SPAG16: variants seen among roughly 807,000 people sequenced by gnomAD.
SPAG16 encodes sperm associated antigen 16.
In SPAG16, 86 loss-of-function variants were observed where a neutral mutation model predicts 80.4. The observed-to-expected ratio is 1.07, with a 90% CI of 0.90 to 1.28. The LOEUF is 1.28. SPAG16 is among the 50% of genes most tolerant of loss of function. The pLI, the probability that SPAG16 is intolerant of heterozygous loss-of-function variation, is 0.00. For missense variants in SPAG16, 870 were observed against 765.3 expected, an observed-to-expected ratio of 1.14 and a Z score of -1.61; for synonymous variants, 294 against 265.9, an observed-to-expected ratio of 1.11 and a Z score of -1.03.
At chr2:214,012,264 A>G (rs2047322934) in intron 12 of SPAG16, among the ~76,000 whole-genome samples, 1 of 40,836 alleles carries the variant, frequency 2.4e-5, no homozygotes, top group African/African-American at 8.2e-5. Flanking sequence ...ACTTACATAT[A>G]TATATATATA....
intron 4 of SPAG16, among the ~76,000 whole-genome samples, chr2:213,316,362 C>T (rs1024891208): frequency 2.6e-5 from 4 of 152,088 alleles, no homozygotes; most frequent in African/African-American, 9.7e-5. Context: ...ATCTCCACTG[C>T]TACCAACTTC....
In SPAG16 at chr2:213,426,463, G is replaced by GC. The variant is rs1166894823; in HGVS notation, c.942+51345dup. Among the ~76,000 whole-genome samples, 3 of 151,736 alleles carry GC rather than the reference G, an allele frequency of 2.0e-5. No homozygotes were observed. The East Asian group carries it at 5.8e-4, about 29-fold the overall frequency. On this transcript the variant is annotated intron_variant, in intron 9 of 15. Coordinates refer to ENST00000331683, the MANE Select transcript of SPAG16 (RefSeq NM_024532.5). ...ATTATTGCATATTTGGTGTGAGCTT[G>GC]CAATCTAATGATTCTTTTTTCCTAT...
chr2:213,301,388 A>G (rs1021548126), intron 3 of SPAG16, among the ~76,000 whole-genome samples: 1 of 152,164 alleles, frequency 6.6e-6, no homozygotes, highest in Non-Finnish European at 1.5e-5. Flanking sequence ...CTTGGATTTC[A>G]TTGTTTATTT....
In SPAG16 at chr2:213,932,602, C is replaced by CT. The variant is rs1326869590; in HGVS notation, c.1400+2457_1400+2458insT. On this transcript the variant is annotated intron_variant, in intron 12 of 15. Transcript: ENST00000331683. Reference sequence around the variant, plus strand: ...GAATACATTCTTCTCTTTTCACACCCGTCCTTTCCTTCAAGCTTCTGGCTC... The same window carrying CT: ...GAATACATTCTTCTCTTTTCACACCCTGTCCTTTCCTTCAAGCTTCTGGCTC... Among the ~76,000 whole-genome samples the CT allele has an allele frequency of 2.0e-5, 3 of 152,226 alleles. No homozygotes were observed. The East Asian group carries it at 5.8e-4, about 29-fold the overall frequency.
At chr2:213,287,810 A>G (rs909356263) in intron 1 of SPAG16, among the ~76,000 whole-genome samples, 2 of 152,206 alleles carry the variant, frequency 1.3e-5, no homozygotes, top group African/African-American at 2.4e-5. Context: ...TGAGGATCAC[A>G]CTAGACTGAT....
chr2:213,727,281 C>T (rs1210989768), intron 10 of SPAG16, among the ~76,000 whole-genome samples: 1 of 152,058 alleles, frequency 6.6e-6, no homozygotes, highest in Non-Finnish European at 1.5e-5. Flanking sequence ...AAAAGAACCT[C>T]CCTTCCTGGA....
At position 214,094,926 on chromosome 2, in the gene SPAG16, G is replaced by A. The variant is rs564342488; in HGVS notation, c.1528-13270G>A. Among the ~76,000 whole-genome samples the A allele has an allele frequency of 2.2e-4, 34 of 152,082 alleles. 2 individuals are homozygous for A. The highest frequency in any genetic ancestry group is 3.8e-4 in the Non-Finnish European group (26 of 67,962). On this transcript the variant is annotated intron_variant, in intron 13 of 15. Coordinates refer to ENST00000331683, the MANE Select transcript of SPAG16 (RefSeq NM_024532.5). ...CTAGTTAGGTAGCCGGTTTCTGGAC[G>A]TCAGATCGTTGCCAATTGGATGAAA...
At chr2:213,603,402 T>A (rs1401502556) in intron 10 of SPAG16, among the ~76,000 whole-genome samples, 1 of 152,262 alleles carries the variant, frequency 6.6e-6, no homozygotes, top group Non-Finnish European at 1.5e-5. Flanking sequence ...TTTTCTCACT[T>A]TGATTATGCC....
intron 10 of SPAG16, among the ~76,000 whole-genome samples, chr2:213,787,898 C>T (rs572117224): frequency 2.0e-5 from 3 of 151,974 alleles, no homozygotes; most frequent in African/African-American, 4.8e-5. Context: ...AAAAATTTAT[C>T]GTGAAAACTA....
chr2:214,367,969 A>G (rs1699588797), intron 15 of SPAG16, among the ~76,000 whole-genome samples: 1 of 152,164 alleles, frequency 6.6e-6, no homozygotes, highest in Non-Finnish European at 1.5e-5. Context: ...ATATAAACAC[A>G]TGATAAAAAG....
chr2:214,352,558 CTGTGTG>C (rs761835945), intron 15 of SPAG16, among the ~76,000 whole-genome samples: 2 of 142,468 alleles, frequency 1.4e-5, no homozygotes, highest in Non-Finnish European at 3.0e-5. Context: ...CTTTTTTTCT[CTGTGTG>C]TGTGTGTGTG....
chr2:214,332,543 C>A (rs575879472), intron 15 of SPAG16, among the ~76,000 whole-genome samples: 4 of 152,218 alleles, frequency 2.6e-5, no homozygotes, highest in Admixed American at 2.6e-4. Context: ...GGTTCCATAT[C>A]CATTACATGA....
intron 15 of SPAG16, among the ~76,000 whole-genome samples, chr2:214,270,087 T>A (rs1201543503): frequency 6.6e-6 from 1 of 152,168 alleles, no homozygotes; most frequent in Non-Finnish European, 1.5e-5. Flanking sequence ...TGGAATTTCA[T>A]CACACTCATC....
chr2:213,991,856 A>G (rs1185214118), intron 12 of SPAG16, among the ~76,000 whole-genome samples: 2 of 87,164 alleles, frequency 2.3e-5, no homozygotes, highest in African/African-American at 9.0e-5. Context: ...TTGACAATTG[A>G]GAGTTTATTT....
chr2:213,608,860 A>G (rs897639854), intron 10 of SPAG16, among the ~76,000 whole-genome samples: 4 of 152,004 alleles, frequency 2.6e-5, no homozygotes, highest in Non-Finnish European at 5.9e-5. Context: ...ATTTTTTTGC[A>G]TTTTCAGTAG....
At chr2:214,000,296 C>T (rs967833950) in intron 12 of SPAG16, among the ~76,000 whole-genome samples, 8 of 152,114 alleles carry the variant, frequency 5.3e-5, no homozygotes, top group African/African-American at 1.4e-4. Context: ...CGAGTTCTGA[C>T]GGTTTTATCA....
At chr2:214,131,904 A>G (rs2054802261) in intron 14 of SPAG16, among the ~76,000 whole-genome samples, 1 of 152,162 alleles carries the variant, frequency 6.6e-6, no homozygotes, top group Admixed American at 6.6e-5. Flanking sequence ...AACGTACACC[A>G]CCAAGAGTGA....
At chr2:214,281,189 AG>A in intron 15 of SPAG16, 1 of 329,986 alleles carries the variant, frequency 3.0e-6, no homozygotes, top group Non-Finnish European at 5.9e-6. Flanking sequence ...TAATTTGTCA[AG>A]CCAACCTTCA....
At chr2:213,946,401 C>T (rs564744063) in intron 12 of SPAG16, among the ~76,000 whole-genome samples, 51 of 152,198 alleles carry the variant, frequency 3.4e-4, no homozygotes, top group African/African-American at 9.4e-4. Flanking sequence ...GCGTGAGCCA[C>T]TGTGCCCGGC....
Sources: allele counts gnomAD v4.1 joint callset (sites outside exome capture counted in the v4.1 genomes callset), GRCh38; gene constraint gnomAD v4.1.1; transcripts MANE v1.5; gene names NCBI Gene and HGNC (gene_info 2026-07-23, HGNC 2026-07-21).